PIGG: variants seen among roughly 807,000 people sequenced by gnomAD.
PIGG encodes GPI ethanolamine phosphate transferase 2, catalytic subunit.
A neutral mutation model predicts 83.2 loss-of-function variants in PIGG; 70 were observed. The ratio of observed to expected loss-of-function variants is 0.84; its 90% CI spans 0.69 to 1.03. The LOEUF (loss-of-function observed/expected upper bound fraction) is 1.03, where lower values mean the gene tolerates loss of function less well. PIGG is among the 50% of genes least tolerant of loss of function. The pLI, the probability that PIGG is intolerant of heterozygous loss-of-function variation, is 0.00. For missense variants in PIGG, 1,257 were observed against 1,233.6 expected, an observed-to-expected ratio of 1.02 and a Z score of -0.28; for synonymous variants, 532 against 519.5, an observed-to-expected ratio of 1.02 and a Z score of -0.33.
rs1290208512 is a variant in PIGG at position 505,875 on chromosome 4, A to G, written c.518A>G (p.His173Arg). 4 of 1,613,380 alleles carry G rather than the reference A, an allele frequency of 2.5e-6. No individual in the cohort carries two copies. Among genetic ancestry groups the G allele is most frequent in the Non-Finnish European group, 3.4e-6 (4 of 1,179,892 alleles). The change falls in exon 3 of 13, where the codon CAT (histidine) becomes CGT (arginine). Residue 173 changes from histidine (H) to arginine (R), a missense_variant. Coordinates refer to ENST00000453061, the MANE Select transcript of PIGG (RefSeq NM_001127178.3). Reference protein sequence around the residue: ...DETWVKLFPKHFVEYDGTTSF... With the variant: ...DETWVKLFPKRFVEYDGTTSF... ...ACCTGGGTTAAATTATTCCCAAAGC[A>G]TTTTGTGGAATATGATGGAACAACC... is the stretch of plus-strand genomic sequence containing the variant.
chr4:533,982 G>C lies in PIGG; in HGVS notation c.2735+1G>C. 1 of 1,613,786 alleles carries C rather than the reference G, an allele frequency of 6.2e-7. No homozygotes were observed. Among genetic ancestry groups the C allele is most frequent in the Non-Finnish European group, 8.5e-7 (1 of 1,179,684 alleles). On this transcript the variant is annotated splice_donor_variant, in intron 12 of 12. Transcript: ENST00000453061. LOFTEE classifies it high-confidence loss of function. ...ACTTCCTGAGCTCAGAAACACGCAG[G>C]TGAGGCGCCTCTCTGCCGTCAGCAC... is the stretch of plus-strand genomic sequence containing the variant.
chr4:526,415 G>A lies in PIGG; in HGVS notation c.2070-624G>A, dbSNP rs577593425. On this transcript the variant is annotated intron_variant, in intron 9 of 12. Transcript: ENST00000453061. ...CTGGCTGGTGCTGCACCACCGCATC[G>A]CGGTCGGGACTCCGGGCTCTGCCCT... 7.9e-5 allele frequency among the ~76,000 whole-genome samples: 12 copies of A among 152,328 alleles called. No homozygotes were observed. In the South Asian group the frequency reaches 1.9e-3, roughly 24 times the overall value.
rs574049045 is a variant in PIGG at position 521,878 on chromosome 4, G to A, written c.1551G>A (p.Ala517=). The change falls in exon 8 of 13, where the codon GCG becomes GCA. Residue 517 remains alanine, a synonymous_variant. Coordinates refer to ENST00000453061, the MANE Select transcript of PIGG (RefSeq NM_001127178.3). The part of the protein sequence containing the change: ...AAGGVMVLAS[A]LLCVIVSVLT... ...GTGGGGTGATGGTGCTGGCCTCGGC[G>A]CTGCTGTGTGTGATTGTGTCTGTTC... 3.7e-5 allele frequency: 60 copies of A among 1,614,182 alleles called. No homozygotes were observed. Among genetic ancestry groups the A allele is most frequent in the East Asian group, 4.5e-5 (2 of 44,876 alleles).
intron 7 of PIGG, 110 bp downstream of exon 7, chr4:521,383 T>G: frequency 1.3e-6 from 1 of 769,128 alleles, no homozygotes; most frequent in South Asian, 2.0e-5. Flanking sequence ...TGGGAAAATA[T>G]TAATTTTCTT....
intron 9 of PIGG, chr4:526,800 G>T: frequency 1.8e-6 from 1 of 547,366 alleles, no homozygotes; most frequent in African/African-American, 1.9e-5. Context: ...CTTCCGCATT[G>T]GCATCCTAAA....
chr4:521,981 C>G (rs1016686188), intron 8 of PIGG, 40 bp downstream of exon 8: 2 of 1,602,934 alleles, frequency 1.2e-6, no homozygotes, highest in Non-Finnish European at 1.7e-6. Context: ...CGTAGTCCTT[C>G]TGCTCAGGTT....
intron 5 of PIGG, among the ~76,000 whole-genome samples, chr4:511,034 C>T (rs577940990): frequency 1.3e-5 from 2 of 152,158 alleles, no homozygotes; most frequent in African/African-American, 2.4e-5. Flanking sequence ...TGGCTCTCAC[C>T]TGTAATCCCA....
chr4:525,195 A>G (rs1179940284), intron 9 of PIGG: 1 of 985,142 alleles, frequency 1.0e-6, no homozygotes, highest in Admixed American at 6.1e-5. Context: ...GGGGGAATTC[A>G]GCCACCTCCT....
intron 6 of PIGG, among the ~76,000 whole-genome samples, chr4:518,770 A>AC (rs1359673706): frequency 6.4e-5 from 9 of 141,134 alleles, no homozygotes; most frequent in South Asian, 2.3e-4. Context: ...AGCGTCTGGA[A>AC]CCCCCCCTGG....
At position 505,781 on chromosome 4, in the gene PIGG, C is replaced by T. The variant is rs1553878694; in HGVS notation, c.424C>T (p.Leu142=). ...DVIRNLNSPA[L]LEDSVIRQAK... Reference sequence around the variant, plus strand: ...CATCAGGAACCTCAATTCTCCTGCACTGCTGGAAGACAGTGTGATAAGACA... The same window carrying T: ...CATCAGGAACCTCAATTCTCCTGCATTGCTGGAAGACAGTGTGATAAGACA... Residue 142 remains leucine (L), a synonymous_variant, in exon 3 of 13, where the codon CTG becomes TTG. Transcript: ENST00000453061. 6.2e-7 allele frequency: 1 copy of T among 1,613,542 alleles called. No homozygotes were observed. Among genetic ancestry groups the T allele is most frequent in the South Asian group, 1.1e-5 (1 of 91,046 alleles).
At chr4:535,637 A>G (rs1730377870) in intron 12 of PIGG, among the ~76,000 whole-genome samples, 1 of 152,024 alleles carries the variant, frequency 6.6e-6, no homozygotes, top group Non-Finnish European at 1.5e-5. Context: ...TCCTCCCATG[A>G]CTGAACCGTC....
chr4:523,686 G>C lies in PIGG; in HGVS notation c.1842G>C (p.Gly614=). Residue 614 remains glycine (G), a synonymous_variant, in exon 9 of 13, where the codon GGG becomes GGC. Coordinates refer to ENST00000453061, the MANE Select transcript of PIGG (RefSeq NM_001127178.3). ...EPPCGLCVEQ[G]HDGATAAWQD... ...CGTGTGGCCTCTGTGTGGAACAAGGGCATGACGGGGCCACAGCAGCGTGGC... is the reference window on the plus strand; with the variant it reads ...CGTGTGGCCTCTGTGTGGAACAAGGCCATGACGGGGCCACAGCAGCGTGGC... 1 of 1,614,206 alleles carries C rather than the reference G, an allele frequency of 6.2e-7. No individual in the cohort carries two copies. Among genetic ancestry groups the C allele is most frequent in the South Asian group, 1.1e-5 (1 of 91,082 alleles).
chr4:526,076 C>T (rs769467112), intron 9 of PIGG, among the ~76,000 whole-genome samples: 5 of 152,174 alleles, frequency 3.3e-5, no homozygotes, highest in Non-Finnish European at 2.9e-5. Flanking sequence ...GTTTTCCTTA[C>T]GCGAGGTCAA....
Position 515,871 on chromosome 4 carries a change from G to T in PIGG, c.902-102G>T. On this transcript the variant is annotated intron_variant, in intron 5 of 12. Transcript: ENST00000453061. The surrounding 1 kb of genome is among the most constrained non-coding windows in gnomAD (Gnocchi z 4.2). ...TCTGTGTTGAGTGGTGTGAAGAGACGGATCATTTGGCTCATGTTAGTTGTA... is the reference window on the plus strand; with the variant it reads ...TCTGTGTTGAGTGGTGTGAAGAGACTGATCATTTGGCTCATGTTAGTTGTA... The T allele has an allele frequency of 1.2e-6, 1 of 867,526 alleles. No individual in the cohort carries two copies. The highest frequency in any genetic ancestry group is 1.9e-6 in the Non-Finnish European group (1 of 516,994). The allele number at this position is 867,526 out of a possible 1,614,324, so 53.7% of individuals were successfully genotyped here.
intron 9 of PIGG, among the ~76,000 whole-genome samples, chr4:526,304 C>T (rs540834990): frequency 2.0e-5 from 3 of 152,362 alleles, no homozygotes; most frequent in African/African-American, 7.2e-5. Flanking sequence ...CCAGTCTCCC[C>T]GTCATCCTGG....
intron 2 of PIGG, chr4:502,301 A>G (rs782189421): frequency 6.6e-6 from 1 of 152,150 alleles, no homozygotes; most frequent in Non-Finnish European, 1.5e-5. Context: ...TCCTTTGAGG[A>G]TTCTTGCTCC....
At chr4:522,008 G>A in intron 8 of PIGG, 67 bp downstream of exon 8, 1 of 1,559,630 alleles carries the variant, frequency 6.4e-7, no homozygotes. Flanking sequence ...GTTATTTCAG[G>A]CTGCCTTTCG....
chr4:521,706 A>G lies in PIGG; in HGVS notation c.1379A>G (p.Lys460Arg), dbSNP rs1356412792. Reference protein sequence around the residue: ...LLSVPQALRRKAELEVPLSSP... With the variant: ...LLSVPQALRRRAELEVPLSSP... Reference sequence around the variant, plus strand: ...AGCGTCCCACAGGCACTGCGCAGAAAGGCTGAGCTGGAAGTCCCACTGTCA... The same window carrying G: ...AGCGTCCCACAGGCACTGCGCAGAAGGGCTGAGCTGGAAGTCCCACTGTCA... Residue 460 changes from lysine to arginine, a missense_variant, in exon 8 of 13, where the codon AAG becomes AGG. Coordinates refer to ENST00000453061, the MANE Select transcript of PIGG (RefSeq NM_001127178.3). The G allele has an allele frequency of 1.2e-6, 2 of 1,614,048 alleles. No individual in the cohort carries two copies. The highest frequency in any genetic ancestry group is 1.3e-5 in the African/African-American group (1 of 74,924).
At chr4:510,759 A>G (rs568936184) in intron 5 of PIGG, among the ~76,000 whole-genome samples, 97 of 152,234 alleles carry the variant, frequency 6.4e-4, no homozygotes, top group African/African-American at 2.1e-3. Flanking sequence ...CACCATCATC[A>G]CAGTCAATTT....
Sources: allele counts gnomAD v4.1 joint callset (sites outside exome capture counted in the v4.1 genomes callset), GRCh38; gene constraint gnomAD v4.1.1; non-coding constraint Gnocchi (gnomAD v3.1); transcripts MANE v1.5; gene names NCBI Gene and HGNC (gene_info 2026-07-23, HGNC 2026-07-21).